The following SYT16 variants were observed in gnomAD, a reference collection of about 807,000 sequenced individuals.
The protein encoded by SYT16 is synaptotagmin 16, also known as synaptotagmin-16.
SYT16 carries 42 observed loss-of-function variants against 61.4 expected under a neutral mutation model. The ratio of observed to expected loss-of-function variants is 0.68; its 90% CI spans 0.53 to 0.89. The LOEUF (loss-of-function observed/expected upper bound fraction) is 0.89, where lower values mean the gene tolerates loss of function less well. SYT16 is among the 40% of genes least tolerant of loss of function. The pLI, the probability that SYT16 is intolerant of heterozygous loss-of-function variation, is 0.00. For missense variants in SYT16, 804 were observed against 807.3 expected (o/e 1.00, Z 0.05); for synonymous variants, 314 against 302.3 (o/e 1.04, Z -0.40).
chr14:62,044,861 A>T (rs8016922), intron 3 of SYT16, among the ~76,000 whole-genome samples: 8 of 151,992 alleles, frequency 5.3e-5, no homozygotes, highest in South Asian at 2.1e-4. Context: ...AATTTTGTGG[A>T]GAGTGCAGTG....
intron 1 of SYT16, among the ~76,000 whole-genome samples, chr14:61,880,300 G>T (rs936165122): frequency 6.6e-6 from 1 of 152,178 alleles, no homozygotes; most frequent in African/African-American, 2.4e-5. Context: ...GGTATGGGGG[G>T]TCTGTTTCTG....
intron 4 of SYT16, among the ~76,000 whole-genome samples, chr14:62,073,783 T>C (rs1407634994): frequency 6.6e-6 from 1 of 152,212 alleles, no homozygotes; most frequent in Non-Finnish European, 1.5e-5. Context: ...ACCACTCATA[T>C]TGCTGCATAC....
At chr14:61,977,020 G>T (rs1462507610) in intron 2 of SYT16, among the ~76,000 whole-genome samples, 1 of 152,174 alleles carries the variant, frequency 6.6e-6, no homozygotes, top group African/African-American at 2.4e-5. Flanking sequence ...GCAAAAGGCT[G>T]CTAGTCTCTT....
intron 3 of SYT16, among the ~76,000 whole-genome samples, chr14:62,047,038 C>T (rs1030011323): frequency 6.6e-6 from 1 of 152,194 alleles, no homozygotes; most frequent in Non-Finnish European, 1.5e-5. Flanking sequence ...TGTAAATTAC[C>T]TTGGGCAGTA....
chr14:61,880,289 G>C (rs1406195976), intron 1 of SYT16, among the ~76,000 whole-genome samples: 1 of 152,154 alleles, frequency 6.6e-6, no homozygotes, highest in Non-Finnish European at 1.5e-5. Flanking sequence ...TTCCATATGT[G>C]GGTATGGGGG....
intron 1 of SYT16, among the ~76,000 whole-genome samples, chr14:61,955,619 ATTTCT>A (rs2050845318): frequency 6.6e-6 from 1 of 151,772 alleles, no homozygotes; most frequent in Non-Finnish European, 1.5e-5. Context: ...AAATGGCAGG[ATTTCT>A]TTTTTTTAAG....
At chr14:61,942,173 T>A (rs2050236893) in intron 1 of SYT16, among the ~76,000 whole-genome samples, 1 of 152,276 alleles carries the variant, frequency 6.6e-6, no homozygotes, top group Non-Finnish European at 1.5e-5. Flanking sequence ...GAGTGATTCT[T>A]GCTAAGTCGC....
In SYT16 at chr14:62,110,141, A is replaced by T. The variant is rs2141042227; in HGVS notation, c.*9434A>T. ...AACTTGCAGAACCTGGCATTATTGCAGAGATGAAGGTATAGTTGTATAAAG... is the reference window on the plus strand; with the variant it reads ...AACTTGCAGAACCTGGCATTATTGCTGAGATGAAGGTATAGTTGTATAAAG... On this transcript the variant is annotated 3_prime_UTR_variant, in exon 8 of 8. Transcript: ENST00000683842. 1 of 152,296 alleles carries T rather than the reference A, an allele frequency of 6.6e-6. No homozygotes were observed. Among genetic ancestry groups the T allele is most frequent in the South Asian group, 2.1e-4 (1 of 4,826 alleles). The allele number at this position is 152,296 out of a possible 1,614,324, so 9.4% of individuals were successfully genotyped here. A position where few individuals can be genotyped will look rare whatever the true frequency, so the allele number is the denominator to read the frequency against.
At chr14:61,823,716 C>T (rs1001986067) in intron 1 of SYT16, among the ~76,000 whole-genome samples, 147 of 152,220 alleles carry the variant, frequency 9.7e-4, no homozygotes, top group Non-Finnish European at 9.0e-4. Flanking sequence ...GGCGCCACTG[C>T]GCTCCAGCCT....
At chr14:62,042,294 C>T (rs565113824) in intron 3 of SYT16, among the ~76,000 whole-genome samples, 15 of 152,174 alleles carry the variant, frequency 9.9e-5, no homozygotes, top group East Asian at 1.9e-4. Flanking sequence ...TGAGCCACCA[C>T]GCCCAGCCCA....
intron 1 of SYT16, among the ~76,000 whole-genome samples, chr14:61,876,668 A>G (rs569511227): frequency 1.3e-5 from 2 of 152,306 alleles, no homozygotes; most frequent in East Asian, 1.9e-4. Context: ...GGCGTTCTAG[A>G]TTATGTTCCT....
At chr14:61,918,832 G>A (rs948570570) in intron 1 of SYT16, among the ~76,000 whole-genome samples, 9 of 152,126 alleles carry the variant, frequency 5.9e-5, no homozygotes, top group Non-Finnish European at 1.2e-4. Context: ...AGAAGCAGAA[G>A]GTACCTCCTG....
intron 1 of SYT16, among the ~76,000 whole-genome samples, chr14:61,910,260 C>T (rs376092572): frequency 2.0e-4 from 31 of 151,878 alleles, no homozygotes; most frequent in African/African-American, 4.1e-4. Flanking sequence ...TTTTTTGAGA[C>T]GGGGTCTCAC....
At chr14:61,845,014 T>C (rs2046400612) in intron 1 of SYT16, among the ~76,000 whole-genome samples, 1 of 151,324 alleles carries the variant, frequency 6.6e-6, no homozygotes. Flanking sequence ...AGCCATTGAG[T>C]TGCAAGCTTT....
chr14:61,997,602 G>C (rs1361490051), intron 3 of SYT16, among the ~76,000 whole-genome samples: 4 of 152,010 alleles, frequency 2.6e-5, no homozygotes, highest in Non-Finnish European at 5.9e-5. Context: ...TGAAATGCTA[G>C]AATAAATTGG....
chr14:62,076,571 T>A (rs2056504634), intron 5 of SYT16, among the ~76,000 whole-genome samples: 1 of 152,056 alleles, frequency 6.6e-6, no homozygotes, highest in South Asian at 2.1e-4. Context: ...ATGTCTCTGC[T>A]GAGGACCAGA....
chr14:61,881,094 A>G (rs2047681783), intron 1 of SYT16, among the ~76,000 whole-genome samples: 1 of 152,098 alleles, frequency 6.6e-6, no homozygotes, highest in Admixed American at 6.5e-5. Flanking sequence ...TACCTCCCCA[A>G]AGAAAAATGT....
intron 1 of SYT16, among the ~76,000 whole-genome samples, chr14:61,826,179 C>G (rs928722199): frequency 2.6e-5 from 4 of 151,304 alleles, no homozygotes; most frequent in Non-Finnish European, 5.9e-5. Context: ...CAGCCCTGGA[C>G]AGGATGCCAT....
At position 62,109,897 on chromosome 14, in the gene SYT16, G is replaced by T. The variant is rs2057577910; in HGVS notation, c.*9190G>T. On this transcript the variant is annotated 3_prime_UTR_variant, in exon 8 of 8. Coordinates refer to ENST00000683842, the MANE Select transcript of SYT16 (RefSeq NM_001367656.1). ...TTAATTGTACAAATCAATTAAAAAT[G>T]GTATGTAAGCATCTGGCTCACACAG... 6.6e-6 allele frequency: 1 copy of T among 152,140 alleles called. No homozygotes were observed. The highest frequency in any genetic ancestry group is 2.4e-5 in the African/African-American group (1 of 41,428). 9.4% of individuals were successfully genotyped at this position (152,140 alleles called of 1,614,324 possible). A position where few individuals can be genotyped will look rare whatever the true frequency, so the allele number is the denominator to read the frequency against.
Sources: allele counts gnomAD v4.1 joint callset (sites outside exome capture counted in the v4.1 genomes callset), GRCh38; gene constraint gnomAD v4.1.1; transcripts MANE v1.5; gene names NCBI Gene and HGNC (gene_info 2026-07-23, HGNC 2026-07-21).